The following AOAH variants were observed in gnomAD, a reference collection of about 807,000 sequenced individuals.
AOAH encodes the protein acyloxyacyl hydrolase (neutrophil).
Under a neutral mutation model 92.2 loss-of-function variants are expected in AOAH, and 64 were observed. The observed-to-expected ratio is 0.69, with a 90% CI of 0.57 to 0.86. AOAH has a LOEUF of 0.86. Ranked by LOEUF, AOAH falls within the 40% of genes least tolerant of loss-of-function variation. The probability of loss-of-function intolerance (pLI) is 0.00; values close to 1 mark genes in which losing one functional copy is unlikely to be tolerated. For missense variants in AOAH, 656 were observed against 694.6 expected, an observed-to-expected ratio of 0.94 and a Z score of 0.62; for synonymous variants, 263 against 254.5, an observed-to-expected ratio of 1.03 and a Z score of -0.32.
intron 3 of AOAH, among the ~76,000 whole-genome samples, chr7:36,673,344 C>T (rs974677493): frequency 5.3e-5 from 8 of 152,134 alleles, no homozygotes; most frequent in African/African-American, 1.9e-4. Context: ...TTGAGACTAT[C>T]CTGGCCAACA....
chr7:36,607,056 G>A (rs1171175625), intron 11 of AOAH, among the ~76,000 whole-genome samples: 3 of 152,172 alleles, frequency 2.0e-5, no homozygotes, highest in Non-Finnish European at 4.4e-5. Context: ...CTAATTAGCT[G>A]TAAACAGGAC....
intron 3 of AOAH, among the ~76,000 whole-genome samples, chr7:36,662,736 A>G (rs1311552139): frequency 1.3e-5 from 2 of 152,174 alleles, no homozygotes; most frequent in Admixed American, 1.3e-4. Flanking sequence ...ATAGGGCACA[A>G]CTTCAAGTAA....
At chr7:36,660,930 T>C (rs1326224253) in intron 3 of AOAH, 5 of 152,232 alleles carry the variant, frequency 3.3e-5, no homozygotes, top group African/African-American at 1.2e-4. Flanking sequence ...CTTCTATAAG[T>C]ATAAACTCTT....
At chr7:36,650,490 T>C (rs1384697628) in intron 4 of AOAH, among the ~76,000 whole-genome samples, 1 of 152,182 alleles carries the variant, frequency 6.6e-6, no homozygotes, top group Non-Finnish European at 1.5e-5. Context: ...GACTTGTCAA[T>C]GACAGCTTTC....
At chr7:36,691,365 A>G (rs961903622) in intron 1 of AOAH, among the ~76,000 whole-genome samples, 1 of 152,202 alleles carries the variant, frequency 6.6e-6, no homozygotes, top group African/African-American at 2.4e-5. Flanking sequence ...CCTAAAATGT[A>G]TCTTACTGCT....
At position 36,513,063 on chromosome 7, in the gene AOAH, C is replaced by T. The variant is rs767476286; in HGVS notation, c.*189G>A. 4.5e-6 allele frequency: 7 copies of T among 1,548,458 alleles called. No homozygotes were observed. Among genetic ancestry groups the T allele is most frequent in the Non-Finnish European group, 6.1e-6 (7 of 1,152,992 alleles). Reference sequence around the variant, plus strand: ...CAGGAACAGCGGAAGGGTTACTGATCCCGGGAGCACACAGCATTGCACAGT... The same window carrying T: ...CAGGAACAGCGGAAGGGTTACTGATTCCGGGAGCACACAGCATTGCACAGT... On this transcript the variant is annotated 3_prime_UTR_variant, in exon 21 of 21. Coordinates refer to ENST00000617537, the MANE Select transcript of AOAH (RefSeq NM_001637.4).
At chr7:36,621,901 A>C in intron 7 of AOAH, 121 bp from the exon 8 acceptor site, 1 of 839,580 alleles carries the variant, frequency 1.2e-6, no homozygotes, top group African/African-American at 1.7e-5. Flanking sequence ...GATTCAATCT[A>C]GGATCACTAA....
intron 12 of AOAH, among the ~76,000 whole-genome samples, chr7:36,584,771 A>G (rs1789190797): frequency 1.3e-5 from 2 of 152,154 alleles, no homozygotes; most frequent in Non-Finnish European, 2.9e-5. Flanking sequence ...TCCTTTGCCT[A>G]TTTCCCCCAA....
At chr7:36,554,846 CTT>C (rs1267425231) in intron 13 of AOAH, among the ~76,000 whole-genome samples, 9 of 151,464 alleles carry the variant, frequency 5.9e-5, no homozygotes, top group African/African-American at 2.2e-4. Flanking sequence ...TATGCTGAAA[CTT>C]TGCTGAAGTT....
intron 1 of AOAH, among the ~76,000 whole-genome samples, chr7:36,715,367 A>G (rs1799074132): frequency 6.6e-6 from 1 of 152,362 alleles, no homozygotes; most frequent in East Asian, 1.9e-4. Flanking sequence ...CATGGGTAGG[A>G]AGAATCAGTA....
At chr7:36,613,428 G>T (rs1436642910) in intron 11 of AOAH, among the ~76,000 whole-genome samples, 1 of 152,240 alleles carries the variant, frequency 6.6e-6, no homozygotes, top group Non-Finnish European at 1.5e-5. Context: ...CTGGCACGTA[G>T]TGGGGGTTGT....
intron 13 of AOAH, among the ~76,000 whole-genome samples, chr7:36,565,829 C>T (rs1332233477): frequency 6.6e-6 from 1 of 152,146 alleles, no homozygotes; most frequent in African/African-American, 2.4e-5. Flanking sequence ...GCATGAGACA[C>T]CGTGCCTGGC....
chr7:36,697,369 C>T (rs1043901834), intron 1 of AOAH, among the ~76,000 whole-genome samples: 1 of 152,106 alleles, frequency 6.6e-6, no homozygotes, highest in African/African-American at 2.4e-5. Context: ...GTTAAATAAG[C>T]ATGCATTTTT....
Position 36,604,487 on chromosome 7 carries a change from C to T in AOAH, c.847-10057G>A, listed in dbSNP as rs563373650. 5.9e-5 allele frequency among the ~76,000 whole-genome samples: 9 copies of T among 152,214 alleles called. No homozygotes were observed. The East Asian group carries it at 1.7e-3, about 29-fold the overall frequency. On this transcript the variant is annotated intron_variant, in intron 11 of 20. Coordinates refer to ENST00000617537, the MANE Select transcript of AOAH (RefSeq NM_001637.4). The stretch of plus-strand genomic sequence containing the variant: ...ATAGTTGGGCATAGGGCTGCCCAGC[C>T]AGGGACTGCACTTCTTAGTCTCTGT...
intron 19 of AOAH, among the ~76,000 whole-genome samples, chr7:36,529,363 T>C (rs931160061): frequency 1.3e-5 from 2 of 152,240 alleles, no homozygotes; most frequent in African/African-American, 4.8e-5. Context: ...TTAATGGGTC[T>C]TTAACTCTGC....
chr7:36,568,012 T>C (rs1285257841), intron 13 of AOAH, among the ~76,000 whole-genome samples: 1 of 152,222 alleles, frequency 6.6e-6, no homozygotes, highest in Non-Finnish European at 1.5e-5. Context: ...AGTTTATTAA[T>C]ATGTGCATTG....
At chr7:36,630,169 G>C (rs1445173293) in intron 6 of AOAH, among the ~76,000 whole-genome samples, 1 of 152,228 alleles carries the variant, frequency 6.6e-6, no homozygotes, top group East Asian at 1.9e-4. Flanking sequence ...TGGCCCTGCT[G>C]CCATTTTGGC....
chr7:36,597,666 C>T (rs545398190), intron 11 of AOAH, among the ~76,000 whole-genome samples: 2 of 152,324 alleles, frequency 1.3e-5, no homozygotes, highest in Admixed American at 1.3e-4. Flanking sequence ...AATGGCAACT[C>T]CAGACTTGGG....
At chr7:36,524,518 A>C (rs938048348) in intron 19 of AOAH, among the ~76,000 whole-genome samples, 1 of 144,002 alleles carries the variant, frequency 6.9e-6, no homozygotes, top group Admixed American at 6.8e-5. Flanking sequence ...AAAAAAAAAC[A>C]AAAAAAAATT....
Sources: gnomAD v4.1 joint callset for allele counts (sites outside exome capture counted in the v4.1 genomes callset) on GRCh38, gnomAD v4.1.1 for gene constraint, MANE v1.5 for transcripts, NCBI Gene and HGNC (gene_info 2026-07-23, HGNC 2026-07-21) for gene names.